Variants in SIX4 observed in about 807,000 individuals in gnomAD.
SIX4 encodes the protein homeobox protein SIX4.
SIX4 carries 23 observed loss-of-function variants against 51.5 expected under a neutral mutation model. That is an observed-to-expected ratio of 0.45 (90% CI 0.32 to 0.63). The LOEUF is 0.63. Ranked by LOEUF, SIX4 falls within the 30% of genes least tolerant of loss-of-function variation. The pLI is 0.04. For missense variants in SIX4, 867 were observed against 984.0 expected, an observed-to-expected ratio of 0.88 and a Z score of 1.59; for synonymous variants, 413 against 417.3, an observed-to-expected ratio of 0.99 and a Z score of 0.13.
At chr14:60,714,260 G>T (rs1895878286) in intron 2 of SIX4, 57 bp from the exon 3 acceptor site, 1 of 1,441,510 alleles carries the variant, frequency 6.9e-7, no homozygotes, top group Non-Finnish European at 9.2e-7. Context: ...AAGAAAAAAA[G>T]TTACACACAC....
chr14:60,721,232 G>T, intron 1 of SIX4: 1 of 864,964 alleles, frequency 1.2e-6, no homozygotes, highest in Non-Finnish European at 1.4e-6. Context: ...TCTGTTCCAG[G>T]CAGGACCCTG....
chr14:60,722,916 G>T lies in SIX4; in HGVS notation c.863+296C>A, dbSNP rs1479748679. On this transcript the variant is annotated intron_variant, in intron 1 of 2. Coordinates refer to ENST00000216513, the MANE Select transcript of SIX4 (RefSeq NM_017420.5). This position sits in a 1 kb window ranked among gnomAD's most constrained non-coding sequence, Gnocchi z 5.9. ...ACTTCAAAGCCAGCGGGATGGGGGT[G>T]GGAAGCTGGGCAGCAGTGACCAGCC... 1.5e-5 allele frequency: 6 copies of T among 412,762 alleles called. No homozygotes were observed. The highest frequency in any genetic ancestry group is 2.6e-5 in the Non-Finnish European group (6 of 234,988). 25.6% of individuals were successfully genotyped at this position (412,762 alleles called of 1,614,324 possible).
At position 60,713,685 on chromosome 14, in the gene SIX4, G is replaced by A; in HGVS notation, c.2068C>T (p.Pro690Ser). Residue 690 changes from proline (P) to serine (S), a missense_variant, in exon 3 of 3, where the codon CCT becomes TCT. Coordinates refer to ENST00000216513, the MANE Select transcript of SIX4 (RefSeq NM_017420.5). ...MTQAALGEIV[P>S]TAEDQVGHPS... ...TGACCTACCTGATCTTCAGCTGTAG[G>A]AACTATTTCCCCAAGGGCAGCCTGA... 1.2e-6 allele frequency: 2 copies of A among 1,614,212 alleles called. No homozygotes were observed. Among genetic ancestry groups the A allele is most frequent in the Non-Finnish European group, 1.7e-6 (2 of 1,180,036 alleles).
Position 60,712,004 on chromosome 14 carries a change from C to T in SIX4, c.*1403G>A, listed in dbSNP as rs568284916. 3.3e-5 allele frequency: 5 copies of T among 152,632 alleles called. No individual in the cohort carries two copies. The East Asian group carries it at 9.6e-4, about 29-fold the overall frequency. The allele number at this position is 152,632 out of a possible 1,614,324, so 9.5% of individuals were successfully genotyped here. Reference sequence around the variant, plus strand: ...ACAACATTATTAAACAAGCTTCTTACAGAAACCAAAAATATTTACTTTTAA... The same window carrying T: ...ACAACATTATTAAACAAGCTTCTTATAGAAACCAAAAATATTTACTTTTAA... On this transcript the variant is annotated 3_prime_UTR_variant, in exon 3 of 3. Coordinates refer to ENST00000216513, the MANE Select transcript of SIX4 (RefSeq NM_017420.5).
In SIX4 at chr14:60,720,485, G is replaced by A; in HGVS notation, c.864-40C>T. 1 of 1,566,162 alleles carries A rather than the reference G, an allele frequency of 6.4e-7. No individual in the cohort carries two copies. The highest frequency in any genetic ancestry group is 8.7e-7 in the Non-Finnish European group (1 of 1,151,494). On this transcript the variant is annotated intron_variant, in intron 1 of 2. Coordinates refer to ENST00000216513, the MANE Select transcript of SIX4 (RefSeq NM_017420.5). The surrounding 1 kb of genome is among the most constrained non-coding windows in gnomAD (Gnocchi z 5.5). ...AAATCAAAATGTTCAGAAGGTCAGG[G>A]GGATGACATTCTACACAGTGCCACT...
chr14:60,723,003 A>C, intron 1 of SIX4: 7 of 959,478 alleles, frequency 7.3e-6, no homozygotes, highest in Non-Finnish European at 9.9e-6. Context: ...GGAGAGGGGG[A>C]GGGTAAGGAG....
In SIX4 at chr14:60,713,342, T is replaced by A. The variant is rs1895855982; in HGVS notation, c.*65A>T. ...TTCCTTTAAATGGGAAAATGTTTTG[T>A]GTCCTTGGGGCTTCATGAAAAGATT... On this transcript the variant is annotated 3_prime_UTR_variant, in exon 3 of 3. Coordinates refer to ENST00000216513, the MANE Select transcript of SIX4 (RefSeq NM_017420.5). The A allele has an allele frequency of 6.7e-7, 1 of 1,494,552 alleles. No individual in the cohort carries two copies. Among genetic ancestry groups the A allele is most frequent in the East Asian group, 2.3e-5 (1 of 44,110 alleles). 92.6% of individuals were successfully genotyped at this position (1,494,552 alleles called of 1,614,324 possible).
chr14:60,715,210 A>G lies in SIX4; in HGVS notation c.1550-1007T>C, dbSNP rs557763019. ...TTCACTAGTAACTTGACATCTCTCA[A>G]TTAGTTGATAGTTATTGCTAGCTCT... On this transcript the variant is annotated intron_variant, in intron 2 of 2. Coordinates refer to ENST00000216513, the MANE Select transcript of SIX4 (RefSeq NM_017420.5). 5.7e-4 allele frequency among the ~76,000 whole-genome samples: 87 copies of G among 152,282 alleles called. 2 individuals carry two copies. The South Asian group carries it at 0.017, about 30-fold the overall frequency.
chr14:60,724,337 T>G lies in SIX4; in HGVS notation c.-263A>C. On this transcript the variant is annotated 5_prime_UTR_variant, in exon 1 of 3. Transcript: ENST00000216513. ...CCCCCAACGTGACTCCTCCGGTTGC[T>G]GCATACTATATGGCAGTGGCGGCCG... The G allele has an allele frequency of 6.8e-7, 1 of 1,461,190 alleles. No homozygotes were observed. Among genetic ancestry groups the G allele is most frequent in the South Asian group, 1.2e-5 (1 of 82,514 alleles). The allele number at this position is 1,461,190 out of a possible 1,614,324, so 90.5% of individuals were successfully genotyped here.
At position 60,720,347 on chromosome 14, in the gene SIX4, T is replaced by G. The variant is rs141484791; in HGVS notation, c.962A>C (p.Asn321Thr). The G allele has an allele frequency of 6.2e-7, 1 of 1,614,084 alleles. No homozygotes were observed. The highest frequency in any genetic ancestry group is 8.5e-7 in the Non-Finnish European group (1 of 1,179,972). ...CTCCATATGACTGGAAAGGCTGAGG[T>G]TGGTGATGCCATCAGATGAACTGGA... ...PLSSSSDGIT[N>T]LSLSSHMEPV... Residue 321 changes from asparagine to threonine, a missense_variant, in exon 2 of 3, where the codon AAC (asparagine) becomes ACC (threonine). Transcript: ENST00000216513. The surrounding 1 kb of genome is among the most constrained non-coding windows in gnomAD (Gnocchi z 5.5).
Position 60,713,439 on chromosome 14 carries a change from C to T in SIX4, c.2314G>A (p.Val772Ile), listed in dbSNP as rs2140265936. The T allele has an allele frequency of 1.2e-6, 2 of 1,610,688 alleles. No homozygotes were observed. Among genetic ancestry groups the T allele is most frequent in the East Asian group, 4.5e-5 (2 of 44,856 alleles). The change falls in exon 3 of 3, where the codon GTC (valine) becomes ATC (isoleucine). Residue 772 changes from valine to isoleucine, a missense_variant. Coordinates refer to ENST00000216513, the MANE Select transcript of SIX4 (RefSeq NM_017420.5). Reference protein sequence around the residue: ...DKKELAKLQTVQLDEDMQDL With the variant: ...DKKELAKLQTIQLDEDMQDL Reference sequence around the variant, plus strand: ...TCTTGCATATCTTCATCCAGCTGGACAGTCTGGAGCTTGGCAAGCTCTTTT... The same window carrying T: ...TCTTGCATATCTTCATCCAGCTGGATAGTCTGGAGCTTGGCAAGCTCTTTT...
Position 60,720,299 on chromosome 14 carries a change from C to G in SIX4, c.1010G>C (p.Gly337Ala), listed in dbSNP as rs745392790. Residue 337 changes from glycine (G) to alanine (A), a missense_variant, in exon 2 of 3, where the codon GGA (glycine) becomes GCA (alanine). Physicochemically the swap from Gly to Ala is moderately conservative, Grantham distance 60. Transcript: ENST00000216513. This position sits in a 1 kb window ranked among gnomAD's most constrained non-coding sequence, Gnocchi z 5.5. ...AGAGCTTAATGATATCTTAGCATTT[C>G]CAATTTGTTGCATATATACTGGCTC... ...HMEPVYMQQIGNAKISLSSSG... is the reference protein window; with the variant it reads ...HMEPVYMQQIANAKISLSSSG... 1.2e-6 allele frequency: 2 copies of G among 1,614,180 alleles called. No individual in the cohort carries two copies. Among genetic ancestry groups the G allele is most frequent in the South Asian group, 2.2e-5 (2 of 91,072 alleles).
Position 60,723,854 on chromosome 14 carries a change from GCCGCCACTGCCC to G in SIX4, c.209_220del (p.Gly70_Ala73del). The G allele has an allele frequency of 6.5e-7, 1 of 1,534,790 alleles. No individual in the cohort carries two copies. Among genetic ancestry groups the G allele is most frequent in the Non-Finnish European group, 8.7e-7 (1 of 1,152,890 alleles). On this transcript the variant is annotated inframe_deletion, in exon 1 of 3. Coordinates refer to ENST00000216513, the MANE Select transcript of SIX4 (RefSeq NM_017420.5). ...ATCCGCCGCCGCTCCGGCCGCCGCC[GCCGCCACTGCCC>G]CTTCCTCTCCGCTCACCCTGGCGGC... is the stretch of plus-strand genomic sequence containing the variant.
rs1377631535 is a variant in SIX4 at position 60,710,296 on chromosome 14, A to T, written c.*3111T>A. ...ATCTACCTGCCTTTCATAACACAAG[A>T]AAGGCACTGAAACGTGTACAATTTA... On this transcript the variant is annotated 3_prime_UTR_variant, in exon 3 of 3. Coordinates refer to ENST00000216513, the MANE Select transcript of SIX4 (RefSeq NM_017420.5). The T allele has an allele frequency of 6.6e-6, 1 of 152,658 alleles. No individual in the cohort carries two copies. Among genetic ancestry groups the T allele is most frequent in the African/African-American group, 2.4e-5 (1 of 41,462 alleles). 9.5% of individuals were successfully genotyped at this position (152,658 alleles called of 1,614,324 possible).
At position 60,720,888 on chromosome 14, in the gene SIX4, G is replaced by T; in HGVS notation, c.864-443C>A. 2.3e-6 allele frequency: 2 copies of T among 857,526 alleles called. No homozygotes were observed. The highest frequency in any genetic ancestry group is 2.8e-6 in the Non-Finnish European group (2 of 711,614). The allele number at this position is 857,526 out of a possible 1,614,324, so 53.1% of individuals were successfully genotyped here. On this transcript the variant is annotated intron_variant, in intron 1 of 2. Coordinates refer to ENST00000216513, the MANE Select transcript of SIX4 (RefSeq NM_017420.5). The surrounding 1 kb of genome is among the most constrained non-coding windows in gnomAD (Gnocchi z 5.5). Reference sequence around the variant, plus strand: ...AACCAATTCAGATTAGTGTTATCTTGGAGGTAAATGAAGCTGCCAAAGGAG... The same window carrying T: ...AACCAATTCAGATTAGTGTTATCTTTGAGGTAAATGAAGCTGCCAAAGGAG...
In SIX4 at chr14:60,724,144, ACTC is replaced by A; in HGVS notation, c.-73_-71del. The A allele has an allele frequency of 6.5e-7, 1 of 1,549,830 alleles. No individual in the cohort carries two copies. ...TTTCCTCTTTCTTTCCTCCTCTCTT[ACTC>A]CTCCTCCTTCGTCTCCCTCCCTCCT... On this transcript the variant is annotated 5_prime_UTR_variant, in exon 1 of 3. Coordinates refer to ENST00000216513, the MANE Select transcript of SIX4 (RefSeq NM_017420.5).
In SIX4 at chr14:60,712,377, A is replaced by C. The variant is rs960439647; in HGVS notation, c.*1030T>G. The C allele has an allele frequency of 6.6e-6, 1 of 152,612 alleles. No individual in the cohort carries two copies. The highest frequency in any genetic ancestry group is 1.5e-5 in the Non-Finnish European group (1 of 68,022). The allele number at this position is 152,612 out of a possible 1,614,324, so 9.5% of individuals were successfully genotyped here. On this transcript the variant is annotated 3_prime_UTR_variant, in exon 3 of 3. Coordinates refer to ENST00000216513, the MANE Select transcript of SIX4 (RefSeq NM_017420.5). ...AAAAGAACCATCAGTGCTTCTGTTG[A>C]CACTTCTGTACCTTACTACCAATAA...
chr14:60,715,691 C>A (rs927338006), intron 2 of SIX4, among the ~76,000 whole-genome samples: 1 of 152,096 alleles, frequency 6.6e-6, no homozygotes, highest in African/African-American at 2.4e-5. Flanking sequence ...ACAATGTACA[C>A]GAATTAGACC....
Position 60,713,427 on chromosome 14 carries a change from C to T in SIX4, c.2326G>A (p.Glu776Lys), listed in dbSNP as rs752347132. The change falls in exon 3 of 3, where the codon GAA becomes AAA. Residue 776 changes from glutamate to lysine, a missense_variant. Coordinates refer to ENST00000216513, the MANE Select transcript of SIX4 (RefSeq NM_017420.5). ...LAKLQTVQLD[E>K]DMQDL is the part of the protein sequence containing the mutation. ...AAAGTTCATAAGTCTTGCATATCTTCATCCAGCTGGACAGTCTGGAGCTTG... is the reference window on the plus strand; with the variant it reads ...AAAGTTCATAAGTCTTGCATATCTTTATCCAGCTGGACAGTCTGGAGCTTG... The T allele has an allele frequency of 7.5e-6, 12 of 1,600,864 alleles. No individual in the cohort carries two copies. The highest frequency in any genetic ancestry group is 1.0e-5 in the Non-Finnish European group (12 of 1,174,674).
Sources: gnomAD v4.1 joint callset for allele counts (sites outside exome capture counted in the v4.1 genomes callset) on GRCh38, gnomAD v4.1.1 for gene constraint, Gnocchi (gnomAD v3.1) non-coding constraint, MANE v1.5 for transcripts, NCBI Gene and HGNC (gene_info 2026-07-23, HGNC 2026-07-21) for gene names.